The following NPSR1 variants were observed in gnomAD, a reference collection of about 807,000 sequenced individuals.
The protein encoded by NPSR1 is neuropeptide S receptor.
Under a neutral mutation model 46.9 loss-of-function variants are expected in NPSR1, and 48 were observed. That is an observed-to-expected ratio of 1.02 (90% CI 0.81 to 1.30). The LOEUF (loss-of-function observed/expected upper bound fraction) is 1.30, where lower values mean the gene tolerates loss of function less well. NPSR1 is among the 50% of genes most tolerant of loss of function. The pLI is 0.00. For missense variants in NPSR1, 450 were observed against 449.5 expected (o/e 1.00, Z -0.01); for synonymous variants, 176 against 168.1 (o/e 1.05, Z -0.36).
intron 8 of NPSR1, among the ~76,000 whole-genome samples, chr7:34,868,559 G>A (rs1396165758): frequency 2.6e-5 from 4 of 151,640 alleles, no homozygotes; most frequent in South Asian, 4.1e-4. Flanking sequence ...TAGTGTCTAC[G>A]CTTGTCCAGC....
intron 5 of NPSR1, among the ~76,000 whole-genome samples, chr7:34,829,712 C>A (rs1488128630): frequency 2.6e-5 from 4 of 152,318 alleles, no homozygotes; most frequent in Admixed American, 2.6e-4. Context: ...CTTTTTCCAC[C>A]AGGACTTCTC....
chr7:34,668,908 C>T (rs2609222), intron 1 of NPSR1, among the ~76,000 whole-genome samples: 77 of 152,148 alleles, frequency 5.1e-4, no homozygotes, highest in African/African-American at 1.8e-3. Context: ...TCCTCCTGCT[C>T]GGAAAGGCAG....
At chr7:34,754,191 G>A (rs1299164203) in intron 2 of NPSR1, among the ~76,000 whole-genome samples, 1 of 151,906 alleles carries the variant, frequency 6.6e-6, no homozygotes, top group South Asian at 2.1e-4. Context: ...CTGGACACAG[G>A]ACTAGGTTTA....
intron 2 of NPSR1, among the ~76,000 whole-genome samples, chr7:34,756,206 T>C (rs1380082910): frequency 3.9e-5 from 6 of 152,160 alleles, no homozygotes; most frequent in Admixed American, 3.3e-4. Context: ...CTGTCCTAAT[T>C]AATCAAATGC....
intron 1 of NPSR1, among the ~76,000 whole-genome samples, chr7:34,661,265 C>T (rs1401595407): frequency 7.9e-5 from 12 of 152,080 alleles, no homozygotes; most frequent in African/African-American, 2.4e-4. Flanking sequence ...TCAGCTTGTC[C>T]CTATTCCATT....
intron 8 of NPSR1, 136 bp from the exon 9 acceptor site, chr7:34,849,429 G>A: frequency 6.3e-7 from 1 of 1,580,784 alleles, no homozygotes; most frequent in Non-Finnish European, 8.6e-7. Context: ...GAAGGTCAGG[G>A]TATTACATGT....
At chr7:34,807,738 C>T (rs747221655) in intron 3 of NPSR1, among the ~76,000 whole-genome samples, 18 of 151,992 alleles carry the variant, frequency 1.2e-4, no homozygotes, top group African/African-American at 4.1e-4. Context: ...ACATGTATTG[C>T]GACAAATAGT....
chr7:34,792,667 A>ATATATATGTATATATATATATG (rs1562733109), intron 3 of NPSR1, among the ~76,000 whole-genome samples: 1 of 102,646 alleles, frequency 9.7e-6, no homozygotes, highest in African/African-American at 3.6e-5. Context: ...ATATATATTT[A>ATATATATGTATATATATATATG]TATATATGTA....
intron 5 of NPSR1, 80 bp downstream of exon 5, chr7:34,827,682 C>T: frequency 1.1e-6 from 1 of 876,422 alleles, no homozygotes; most frequent in South Asian, 1.5e-5. Flanking sequence ...TTGCTCTCCT[C>T]CCCAACAGAC....
rs1193455707 is a variant in NPSR1 at position 34,824,063 on chromosome 7, AG to A, written c.479-3336del. 2.0e-5 allele frequency among the ~76,000 whole-genome samples: 3 copies of A among 152,370 alleles called. No homozygotes were observed. In the East Asian group the frequency reaches 5.8e-4, roughly 29 times the overall value. On this transcript the variant is annotated intron_variant, in intron 4 of 8. Coordinates refer to ENST00000360581, the MANE Select transcript of NPSR1 (RefSeq NM_207172.2). ...AAGATGGTCATAACAGGCTTTTCAG[AG>A]GAAAAAAATTAGGTTACAAGGTAGG...
rs1340809271 is a variant in NPSR1 at position 34,865,552 on chromosome 7, C to T, written c.1026-12524C>T. Reference sequence around the variant, plus strand: ...AATCACAGCGCCACATGGAAGGAAACAGCTCCCCACTGAAAATGTGTTTTC... The same window carrying T: ...AATCACAGCGCCACATGGAAGGAAATAGCTCCCCACTGAAAATGTGTTTTC... On this transcript the variant is annotated intron_variant, in intron 8 of 8. Transcript: ENST00000359791. 3.3e-5 allele frequency among the ~76,000 whole-genome samples: 5 copies of T among 151,782 alleles called. No homozygotes were observed. In the East Asian group the frequency reaches 9.6e-4, roughly 29 times the overall value.
intron 2 of NPSR1, among the ~76,000 whole-genome samples, chr7:34,747,869 C>A (rs1294974789): frequency 6.6e-6 from 1 of 152,134 alleles, no homozygotes; most frequent in Non-Finnish European, 1.5e-5. Context: ...GATTCCAGGA[C>A]CCTATACCTG....
chr7:34,690,470 C>A (rs1438967836), intron 2 of NPSR1, among the ~76,000 whole-genome samples: 1 of 151,738 alleles, frequency 6.6e-6, no homozygotes, highest in African/African-American at 2.4e-5. Context: ...TCAATGAGAT[C>A]CAAGAAAAAA....
In NPSR1 at chr7:34,870,885, TG is replaced by T. The variant is rs1214294846; in HGVS notation, c.1026-7189del. 5.1e-4 allele frequency among the ~76,000 whole-genome samples: 77 copies of T among 150,410 alleles called. No homozygotes were observed. In the East Asian group the frequency reaches 0.012, roughly 23 times the overall value. ...TGGGTAACATGGATGGATGGATGGATGGATGGATGGATGGATGAATGGATGG... is the reference window on the plus strand; with the variant it reads ...TGGGTAACATGGATGGATGGATGGATGATGGATGGATGGATGAATGGATGG... On this transcript the variant is annotated intron_variant, in intron 8 of 8. Transcript: ENST00000359791.
rs1022620612 is a variant in NPSR1 at position 34,693,527 on chromosome 7, A to G, written c.280+8843A>G. Reference sequence around the variant, plus strand: ...AAATCTTCCAACAAAAAAAATCTCAAGACCAGACAGATTCACAGCTGAATT... The same window carrying G: ...AAATCTTCCAACAAAAAAAATCTCAGGACCAGACAGATTCACAGCTGAATT... On this transcript the variant is annotated intron_variant, in intron 2 of 8. Coordinates refer to ENST00000360581, the MANE Select transcript of NPSR1 (RefSeq NM_207172.2). 7.2e-5 allele frequency among the ~76,000 whole-genome samples: 11 copies of G among 152,312 alleles called. 1 individual carries two copies. Among genetic ancestry groups the G allele is most frequent in the South Asian group, 4.1e-4 (2 of 4,822 alleles).
intron 4 of NPSR1, among the ~76,000 whole-genome samples, chr7:34,823,185 G>A (rs1789642383): frequency 6.6e-6 from 1 of 151,988 alleles, no homozygotes; most frequent in Admixed American, 6.6e-5. Flanking sequence ...GAGGTCACAA[G>A]TTTGAGACCA....
At chr7:34,813,493 G>T (rs1345270) in intron 4 of NPSR1, among the ~76,000 whole-genome samples, 28 of 152,178 alleles carry the variant, frequency 1.8e-4, no homozygotes, top group African/African-American at 6.5e-4. Context: ...ATGTGGAAGT[G>T]GTAGAGCCAT....
At chr7:34,772,064 CTAAT>C (rs1157658423) in intron 2 of NPSR1, among the ~76,000 whole-genome samples, 4 of 152,104 alleles carry the variant, frequency 2.6e-5, no homozygotes, top group Admixed American at 6.5e-5. Context: ...TTGTGAGTCT[CTAAT>C]TATTTCAAAA....
At chr7:34,673,471 C>T (rs1792160230) in intron 1 of NPSR1, among the ~76,000 whole-genome samples, 1 of 152,160 alleles carries the variant, frequency 6.6e-6, no homozygotes, top group African/African-American at 2.4e-5. Context: ...AAATGCCTTT[C>T]CCTCTGCCAT....
Sources: gnomAD v4.1 joint callset for allele counts (sites outside exome capture counted in the v4.1 genomes callset) on GRCh38, gnomAD v4.1.1 for gene constraint, MANE v1.5 for transcripts, NCBI Gene and HGNC (gene_info 2026-07-23, HGNC 2026-07-21) for gene names.